PRKCH: variants seen among roughly 807,000 people sequenced by gnomAD.
The protein encoded by PRKCH is protein kinase C eta.
A neutral mutation model predicts 82.5 loss-of-function variants in PRKCH; 28 were observed. That is an observed-to-expected ratio of 0.34 (90% CI 0.25 to 0.47). The LOEUF is 0.47. Among genes scored for constraint, PRKCH ranks in the 20% least tolerant of loss-of-function variants. The probability of loss-of-function intolerance (pLI) is 1.00; values close to 1 mark genes in which losing one functional copy is unlikely to be tolerated. For missense variants in PRKCH, 705 were observed against 881.8 expected, an observed-to-expected ratio of 0.80 and a Z score of 2.54; for synonymous variants, 322 against 327.4, an observed-to-expected ratio of 0.98 and a Z score of 0.18.
chr14:61,327,520 TAAG>T (rs1236224732), intron 1 of PRKCH, among the ~76,000 whole-genome samples: 7 of 152,374 alleles, frequency 4.6e-5, no homozygotes, highest in African/African-American at 1.7e-4. Flanking sequence ...ATTTTCATTG[TAAG>T]AAGAATTTTG....
chr14:61,322,996 A>G (rs1378970066), intron 1 of PRKCH, among the ~76,000 whole-genome samples: 1 of 152,072 alleles, frequency 6.6e-6, no homozygotes, highest in African/African-American at 2.4e-5. Context: ...TGGCAGGGAA[A>G]TGAGCGCCTG....
chr14:61,450,799 G>C, intron 5 of PRKCH, 43 bp from the exon 6 acceptor site: 1 of 1,600,072 alleles, frequency 6.2e-7, no homozygotes, highest in South Asian at 1.1e-5. Context: ...AAGGACATTG[G>C]TATGACATTT....
chr14:61,439,687 G>C (rs369292138), intron 2 of PRKCH, among the ~76,000 whole-genome samples: 1 of 152,226 alleles, frequency 6.6e-6, no homozygotes, highest in South Asian at 2.1e-4. Flanking sequence ...CATGTCACCC[G>C]GCTTTAGGAT....
Position 61,207,638 on chromosome 14 carries a change from TGG to T in PRKCH, c.-19+19972_-19+19973del, listed in dbSNP as rs202091005. Among the ~76,000 whole-genome samples, 1,215 of 152,326 alleles carry T rather than the reference TGG, an allele frequency of 8.0e-3. 12 individuals carry two copies. Among genetic ancestry groups the T allele is most frequent in the African/African-American group, 0.028 (1,162 of 41,572 alleles). On this transcript the variant is annotated intron_variant, in intron 1 of 3. Coordinates refer to the PRKCH transcript ENST00000555185. ...GGATCCATTAAGAGCTACTATTTAT[TGG>T]GTACCTAGTGTCTGCTAAGGGCTAT...
chr14:61,538,283 G>A lies in PRKCH; in HGVS notation c.1761+7688G>A, dbSNP rs575727239. 1.2e-4 allele frequency among the ~76,000 whole-genome samples: 18 copies of A among 152,334 alleles called. No individual in the cohort carries two copies. In the South Asian group the frequency reaches 3.3e-3, roughly 28 times the overall value. On this transcript the variant is annotated intron_variant, in intron 12 of 13. Coordinates refer to ENST00000332981, the MANE Select transcript of PRKCH (RefSeq NM_006255.5). Reference sequence around the variant, plus strand: ...GCCAGGACTGGAATACCTGTCTGAGGAAAGGAAGGTGCCCCACAGGCCTCT... The same window carrying A: ...GCCAGGACTGGAATACCTGTCTGAGAAAAGGAAGGTGCCCCACAGGCCTCT...
At chr14:61,222,545 A>G (rs1324383535) in intron 1 of PRKCH, among the ~76,000 whole-genome samples, 1 of 152,234 alleles carries the variant, frequency 6.6e-6, no homozygotes, top group African/African-American at 2.4e-5. Flanking sequence ...TGGCGTGTCA[A>G]ACAAGCTAAT....
chr14:61,456,435 T>C (rs1033452996), intron 7 of PRKCH, among the ~76,000 whole-genome samples: 1 of 152,208 alleles, frequency 6.6e-6, no homozygotes, highest in Non-Finnish European at 1.5e-5. Context: ...ATCCATGAAA[T>C]GGATATTGAA....
chr14:61,487,202 C>T (rs1886263023), intron 10 of PRKCH, among the ~76,000 whole-genome samples: 1 of 152,106 alleles, frequency 6.6e-6, no homozygotes, highest in South Asian at 2.1e-4. Context: ...TAGACCTCAA[C>T]TCCATACAGT....
At chr14:61,269,122 G>C (rs2045129109) in intron 1 of PRKCH, among the ~76,000 whole-genome samples, 1 of 152,062 alleles carries the variant, frequency 6.6e-6, no homozygotes, top group Non-Finnish European at 1.5e-5. Context: ...CAAAGTTAGA[G>C]CCAAAAATTT....
intron 2 of PRKCH, among the ~76,000 whole-genome samples, chr14:61,394,367 T>A (rs1193474575): frequency 1.3e-5 from 2 of 152,086 alleles, no homozygotes; most frequent in East Asian, 1.9e-4. Flanking sequence ...GAAAAATGAG[T>A]CTGTTCCTAG....
chr14:61,197,189 TCTC>T (rs762371649), intron 1 of PRKCH, among the ~76,000 whole-genome samples: 4 of 152,200 alleles, frequency 2.6e-5, no homozygotes, highest in Non-Finnish European at 5.9e-5. Context: ...CTGATTTTCA[TCTC>T]CTTTGAAATT....
chr14:61,334,632 G>T (rs2045830891), intron 1 of PRKCH, among the ~76,000 whole-genome samples: 1 of 152,196 alleles, frequency 6.6e-6, no homozygotes, highest in Admixed American at 6.5e-5. Flanking sequence ...CAGAAAGAGA[G>T]TCGGCTTGGT....
rs558847782 is a variant in PRKCH at position 61,242,836 on chromosome 14, A to G, written c.-19+55168A>G. Among the ~76,000 whole-genome samples the G allele has an allele frequency of 4.6e-5, 7 of 152,316 alleles. No individual in the cohort carries two copies. The South Asian group carries it at 1.5e-3, about 32-fold the overall frequency. ...ATTCTTTGTATTTTTCTGCACTTTC[A>G]GTAATTTGTTTTGTAATAAACACGT... is the stretch of plus-strand genomic sequence containing the variant. On this transcript the variant is annotated intron_variant, in intron 1 of 3. Transcript: ENST00000555185.
chr14:61,410,937 G>A (rs1268316771), intron 2 of PRKCH, among the ~76,000 whole-genome samples: 2 of 152,214 alleles, frequency 1.3e-5, no homozygotes, highest in Non-Finnish European at 2.9e-5. Flanking sequence ...GTGGACAGAT[G>A]ATTTTTGAAA....
intron 10 of PRKCH, among the ~76,000 whole-genome samples, chr14:61,490,166 G>A (rs769754337): frequency 2.7e-4 from 41 of 152,210 alleles, no homozygotes; most frequent in Non-Finnish European, 5.1e-4. Flanking sequence ...AATGCTTCCC[G>A]TGGTATTTCG....
At chr14:61,306,269 T>A (rs1045251698) in intron 1 of PRKCH, 1 of 152,210 alleles carries the variant, frequency 6.6e-6, no homozygotes, top group Non-Finnish European at 1.5e-5. Context: ...TAGCAACCAT[T>A]CTCTGCTAGG....
At chr14:61,195,845 C>A (rs1279006448) in intron 1 of PRKCH, among the ~76,000 whole-genome samples, 1 of 152,076 alleles carries the variant, frequency 6.6e-6, no homozygotes, top group African/African-American at 2.4e-5. Flanking sequence ...GACACTAATC[C>A]TATAGGATCA....
At chr14:61,396,726 A>G (rs185248451) in intron 2 of PRKCH, among the ~76,000 whole-genome samples, 1 of 152,210 alleles carries the variant, frequency 6.6e-6, no homozygotes, top group East Asian at 1.9e-4. Context: ...GACAGTTTGT[A>G]CAAGAAACGA....
chr14:61,482,932 C>T (rs10483737), intron 9 of PRKCH, among the ~76,000 whole-genome samples: 4,776 of 152,274 alleles, frequency 0.031, 256 homozygotes, highest in African/African-American at 0.11. Flanking sequence ...TTGCCAAGTG[C>T]GCCACTTATA....
Sources: gnomAD v4.1 joint callset for allele counts (sites outside exome capture counted in the v4.1 genomes callset) on GRCh38, gnomAD v4.1.1 for gene constraint, MANE v1.5 for transcripts, NCBI Gene and HGNC (gene_info 2026-07-23, HGNC 2026-07-21) for gene names.